The following SCD5 variants were observed in gnomAD, a reference collection of about 807,000 sequenced individuals.
SCD5 encodes stearoyl-CoA desaturase 5, also known as acyl-CoA-desaturase 4.
Under a neutral mutation model 30.4 loss-of-function variants are expected in SCD5, and 20 were observed. That is an observed-to-expected ratio of 0.66 (90% CI 0.46 to 0.96). The LOEUF (loss-of-function observed/expected upper bound fraction) is 0.96, where lower values mean the gene tolerates loss of function less well. Ranked by LOEUF, SCD5 falls within the 40% of genes least tolerant of loss-of-function variation. SCD5 has a pLI of 0.00. For synonymous variants in SCD5, 173 were observed against 176.4 expected (o/e 0.98, Z 0.16); for missense variants, 381 against 443.3 (o/e 0.86, Z 1.26).
chr4:82,776,541 C>A (rs1336670854), intron 1 of SCD5, among the ~76,000 whole-genome samples: 2 of 152,170 alleles, frequency 1.3e-5, no homozygotes, highest in Non-Finnish European at 2.9e-5. Context: ...AAAGGCATGA[C>A]CTGGACAGCT....
intron 3 of SCD5, among the ~76,000 whole-genome samples, chr4:82,647,203 A>T (rs1353163169): frequency 3.3e-5 from 5 of 151,972 alleles, no homozygotes; most frequent in African/African-American, 4.8e-5. Flanking sequence ...ACATGTGTGT[A>T]TGTGCCTGTG....
At chr4:82,771,585 G>T (rs138152711) in intron 1 of SCD5, among the ~76,000 whole-genome samples, 7 of 152,266 alleles carry the variant, frequency 4.6e-5, no homozygotes, top group African/African-American at 1.4e-4. Context: ...TAAATATTTT[G>T]CTTAAAATCA....
At chr4:82,762,895 A>G (rs748443042) in intron 1 of SCD5, among the ~76,000 whole-genome samples, 4 of 152,240 alleles carry the variant, frequency 2.6e-5, no homozygotes, top group Non-Finnish European at 5.9e-5. Context: ...CTGGGTGGAC[A>G]CAGATTTCCT....
At chr4:82,640,350 T>C (rs6535360) in intron 3 of SCD5, among the ~76,000 whole-genome samples, 107,646 of 152,024 alleles carry the variant, frequency 0.71, 38,277 homozygotes, top group Middle Eastern at 0.8. Flanking sequence ...CTAGAACCAC[T>C]ATGGTCCAGG....
intron 2 of SCD5, among the ~76,000 whole-genome samples, chr4:82,699,126 T>A (rs776086716): frequency 6.6e-6 from 1 of 152,076 alleles, no homozygotes; most frequent in Non-Finnish European, 1.5e-5. Flanking sequence ...ATTTGAATCA[T>A]CTTAAAACCA....
chr4:82,707,673 C>T (rs1719997471), intron 1 of SCD5, among the ~76,000 whole-genome samples: 1 of 152,230 alleles, frequency 6.6e-6, no homozygotes, highest in South Asian at 2.1e-4. Context: ...ATTGAGGATT[C>T]CTCCAGCCAA....
intron 1 of SCD5, among the ~76,000 whole-genome samples, chr4:82,778,277 A>G (rs949589884): frequency 6.6e-6 from 1 of 152,066 alleles, no homozygotes; most frequent in Non-Finnish European, 1.5e-5. Context: ...CAGCCTCCAG[A>G]ACCCACCCTG....
Position 82,702,421 on chromosome 4 carries a change from A to G in SCD5, c.363+2862T>C, listed in dbSNP as rs111995244. 3.7e-3 allele frequency among the ~76,000 whole-genome samples: 558 copies of G among 152,202 alleles called. 5 individuals are homozygous for G. Among genetic ancestry groups the G allele is most frequent in the African/African-American group, 0.013 (529 of 41,518 alleles). ...CGGCCTCCCAAAGTGCTGGGATTAC[A>G]GGTATGAGCCACCACGCCCAGCCCA... On this transcript the variant is annotated intron_variant, in intron 2 of 4. Coordinates refer to ENST00000319540, the MANE Select transcript of SCD5 (RefSeq NM_001037582.3).
chr4:82,725,856 T>C (rs905323167), intron 1 of SCD5, among the ~76,000 whole-genome samples: 1 of 127,470 alleles, frequency 7.8e-6, no homozygotes, highest in East Asian at 2.2e-4. Context: ...GTGAACTCTG[T>C]TTCAAAAAAA....
intron 1 of SCD5, among the ~76,000 whole-genome samples, chr4:82,712,260 A>G (rs866059353): frequency 1.3e-3 from 51 of 39,802 alleles, no homozygotes; most frequent in African/African-American, 6.8e-3. Flanking sequence ...ATATATATAT[A>G]TATATATATA....
In SCD5 at chr4:82,771,217, C is replaced by T. The variant is rs538245467; in HGVS notation, c.232+27089G>A. Among the ~76,000 whole-genome samples, 37 of 152,286 alleles carry T rather than the reference C, an allele frequency of 2.4e-4. No individual in the cohort carries two copies. In the South Asian group the frequency reaches 7.5e-3, roughly 31 times the overall value. ...CTCCTGGGTTCAAGCAATCCTCCTG[C>T]CTCAGCCTCCTAAAGTGTTGGGATT... On this transcript the variant is annotated intron_variant, in intron 1 of 4. Coordinates refer to ENST00000319540, the MANE Select transcript of SCD5 (RefSeq NM_001037582.3).
intron 1 of SCD5, among the ~76,000 whole-genome samples, chr4:82,717,043 A>G (rs1029776600): frequency 6.6e-6 from 1 of 151,800 alleles, no homozygotes; most frequent in Non-Finnish European, 1.5e-5. Context: ...ATGCCATTTC[A>G]TATAAGGGAC....
At chr4:82,790,204 A>C (rs900477242) in intron 1 of SCD5, among the ~76,000 whole-genome samples, 12 of 152,218 alleles carry the variant, frequency 7.9e-5, no homozygotes, top group African/African-American at 2.9e-4. Flanking sequence ...ATTGGGCTTG[A>C]GACTGTTCCT....
At position 82,725,988 on chromosome 4, in the gene SCD5, G is replaced by A. The variant is rs994953911; in HGVS notation, c.233-20575C>T. On this transcript the variant is annotated intron_variant, in intron 1 of 4. Transcript: ENST00000319540. ...CATGGAACCTAAGTGAGGAAAAACC[G>A]CCTGAAGGGTCTCCACTGACAGGCC... Among the ~76,000 whole-genome samples, 4 of 152,196 alleles carry A rather than the reference G, an allele frequency of 2.6e-5. No individual in the cohort carries two copies. In the East Asian group the frequency reaches 5.8e-4, roughly 22 times the overall value.
At chr4:82,784,724 G>C (rs1051681689) in intron 1 of SCD5, among the ~76,000 whole-genome samples, 2 of 152,104 alleles carry the variant, frequency 1.3e-5, no homozygotes, top group African/African-American at 4.8e-5. Flanking sequence ...AACTAGAACC[G>C]TGAAAGGGAT....
chr4:82,707,147 TCAGA>T (rs1471559281), intron 1 of SCD5, among the ~76,000 whole-genome samples: 4 of 152,220 alleles, frequency 2.6e-5, no homozygotes, highest in Non-Finnish European at 4.4e-5. Flanking sequence ...AATGAAATAT[TCAGA>T]CAAAGAACTT....
At chr4:82,720,869 G>A (rs922135956) in intron 1 of SCD5, among the ~76,000 whole-genome samples, 3 of 152,080 alleles carry the variant, frequency 2.0e-5, no homozygotes, top group African/African-American at 4.8e-5. Context: ...AGGGCTGTCC[G>A]GGCCAGGCAC....
In SCD5 at chr4:82,630,651, T is replaced by C. The variant is rs552002366; in HGVS notation, c.*676A>G. The stretch of plus-strand genomic sequence containing the variant: ...ACTCTAATGTTAAATCGTAGTAATA[T>C]TGACTTGAAAAGTTTTTTAGGCTGG... On this transcript the variant is annotated 3_prime_UTR_variant, in exon 5 of 5. Coordinates refer to ENST00000319540, the MANE Select transcript of SCD5 (RefSeq NM_001037582.3). 5.3e-5 allele frequency: 8 copies of C among 152,316 alleles called. No homozygotes were observed. In the East Asian group the frequency reaches 9.6e-4, roughly 18 times the overall value. The allele number at this position is 152,316 out of a possible 1,614,324, so 9.4% of individuals were successfully genotyped here.
chr4:82,678,269 T>G (rs575478436), intron 3 of SCD5, among the ~76,000 whole-genome samples: 1 of 152,280 alleles, frequency 6.6e-6, no homozygotes, highest in Admixed American at 6.5e-5. Flanking sequence ...CAGATGACTA[T>G]TCAGGGAACT....
Sources: gnomAD v4.1 joint callset for allele counts (sites outside exome capture counted in the v4.1 genomes callset) on GRCh38, gnomAD v4.1.1 for gene constraint, MANE v1.5 for transcripts, NCBI Gene and HGNC (gene_info 2026-07-23, HGNC 2026-07-21) for gene names.